PRKCH: variants seen among roughly 807,000 people sequenced by gnomAD.
The protein encoded by PRKCH is protein kinase C eta, also known as protein kinase C eta type.
In PRKCH, 28 loss-of-function variants were observed where a neutral mutation model predicts 82.5. The observed-to-expected ratio is 0.34, with a 90% CI of 0.25 to 0.47. The LOEUF (loss-of-function observed/expected upper bound fraction) is 0.47, where lower values mean the gene tolerates loss of function less well. PRKCH is among the 20% of genes least tolerant of loss of function. The pLI is 1.00. For synonymous variants in PRKCH, 322 were observed against 327.4 expected, an observed-to-expected ratio of 0.98 and a Z score of 0.18; for missense variants, 705 against 881.8, an observed-to-expected ratio of 0.80 and a Z score of 2.54.
chr14:61,369,406 G>A (rs2140171098), intron 1 of PRKCH, among the ~76,000 whole-genome samples: 1 of 152,194 alleles, frequency 6.6e-6, no homozygotes. Context: ...AATTGGTGTG[G>A]TTTCATTAGG....
At chr14:61,206,395 G>A (rs1566780129) in intron 1 of PRKCH, among the ~76,000 whole-genome samples, 2 of 152,120 alleles carry the variant, frequency 1.3e-5, no homozygotes, top group Non-Finnish European at 2.9e-5. Context: ...TTTTCTCTGT[G>A]TGCCCTCTCC....
intron 1 of PRKCH, among the ~76,000 whole-genome samples, chr14:61,308,056 T>C (rs2045495779): frequency 6.6e-6 from 1 of 152,172 alleles, no homozygotes; most frequent in African/African-American, 2.4e-5. Flanking sequence ...CCCAGGCTTG[T>C]CTTGAACTCC....
intron 13 of PRKCH, among the ~76,000 whole-genome samples, chr14:61,548,714 A>AG (rs1180751804): frequency 5.3e-5 from 8 of 151,976 alleles, no homozygotes; most frequent in Non-Finnish European, 1.2e-4. Flanking sequence ...ACAAAAAAAA[A>AG]AAGCCTGGTG....
chr14:61,231,463 C>A (rs562233846), intron 1 of PRKCH, among the ~76,000 whole-genome samples: 128 of 150,908 alleles, frequency 8.5e-4, no homozygotes, highest in African/African-American at 3.0e-3. Context: ...CCCGGGTTCA[C>A]GCCATTCTCC....
Position 61,231,316 on chromosome 14 carries a change from T to C in PRKCH, c.-19+43648T>C, listed in dbSNP as rs145178806. Among the ~76,000 whole-genome samples the C allele has an allele frequency of 5.5e-3, 837 of 152,084 alleles. 2 individuals carry two copies. The highest frequency in any genetic ancestry group is 0.019 in the African/African-American group (795 of 41,468). ...TCAATACACAAAGTGCTTAGAACAG[T>C]GCTTGGTAACTGATCAATACATTTA... is the stretch of plus-strand genomic sequence containing the variant. On this transcript the variant is annotated intron_variant, in intron 1 of 3. Transcript: ENST00000555185.
intron 9 of PRKCH, among the ~76,000 whole-genome samples, chr14:61,461,000 C>G (rs10144546): frequency 0.023 from 3,500 of 152,192 alleles, 145 homozygotes; most frequent in African/African-American, 0.08. Flanking sequence ...ATGGCTTGGA[C>G]TCCCACGCCA....
chr14:61,390,509 A>G (rs2046660762), intron 1 of PRKCH, among the ~76,000 whole-genome samples: 1 of 152,024 alleles, frequency 6.6e-6, no homozygotes, highest in South Asian at 2.1e-4. Flanking sequence ...CATCTCTACT[A>G]AAAAATACAA....
chr14:61,374,025 T>A (rs1376332383), intron 1 of PRKCH, among the ~76,000 whole-genome samples: 15 of 152,142 alleles, frequency 9.9e-5, no homozygotes, highest in Admixed American at 9.8e-4. Flanking sequence ...TAGTTACTTC[T>A]AAGATGCAAT....
rs569489613 is a variant in PRKCH at position 61,484,814 on chromosome 14, G to A, written c.1279-688G>A. ...AAGGAGTCTTACTCCTGTCGCTCAG[G>A]TGGGAGTGCCGTGGCACAATCACAG... is the stretch of plus-strand genomic sequence containing the variant. On this transcript the variant is annotated intron_variant, in intron 9 of 13. Coordinates refer to ENST00000332981, the MANE Select transcript of PRKCH (RefSeq NM_006255.5). Among the ~76,000 whole-genome samples the A allele has an allele frequency of 2.1e-5, 3 of 144,348 alleles. No homozygotes were observed. In the East Asian group the frequency reaches 6.1e-4, roughly 30 times the overall value. 94.7% of individuals were successfully genotyped at this position (144,348 alleles called of 152,430 possible). A position where few individuals can be genotyped will look rare whatever the true frequency, so the allele number is the denominator to read the frequency against.
At position 61,308,785 on chromosome 14, in the gene PRKCH, C is replaced by T. The variant is rs141744332; in HGVS notation, c.-19+121117C>T. 2.0e-5 allele frequency among the ~76,000 whole-genome samples: 3 copies of T among 149,796 alleles called. 1 individual carries two copies. The highest frequency in any genetic ancestry group is 7.6e-5 in the African/African-American group (3 of 39,294). On this transcript the variant is annotated intron_variant, in intron 1 of 3. Transcript: ENST00000555185. ...CTAGGACTACAGGCATTTGCCACCACACTGGGCCTAGTTTTAAATTTTTTG... is the reference window on the plus strand; with the variant it reads ...CTAGGACTACAGGCATTTGCCACCATACTGGGCCTAGTTTTAAATTTTTTG...
At chr14:61,428,110 C>T (rs1165741914) in intron 2 of PRKCH, among the ~76,000 whole-genome samples, 2 of 75,502 alleles carry the variant, frequency 2.6e-5, no homozygotes, top group Non-Finnish European at 2.9e-5. Flanking sequence ...TATATATACA[C>T]ACATATATAT....
At chr14:61,486,260 C>G (rs1886214882) in intron 10 of PRKCH, among the ~76,000 whole-genome samples, 1 of 140,576 alleles carries the variant, frequency 7.1e-6, no homozygotes, top group South Asian at 2.5e-4. Context: ...TACACCTTAA[C>G]TAAAGGGTGT....
At chr14:61,449,900 C>CTCTCTCTGTG (rs1351833573) in intron 5 of PRKCH, among the ~76,000 whole-genome samples, 3 of 36,894 alleles carry the variant, frequency 8.1e-5, no homozygotes, top group African/African-American at 1.3e-4. Flanking sequence ...CTCTCTCTCT[C>CTCTCTCTGTG]TGTGTGTGTG....
chr14:61,240,610 G>T (rs1017663753), intron 1 of PRKCH, among the ~76,000 whole-genome samples: 41 of 151,946 alleles, frequency 2.7e-4, no homozygotes, highest in Admixed American at 7.9e-4. Flanking sequence ...GAAAGGAAAT[G>T]GTTCGGGGGT....
intron 1 of PRKCH, chr14:61,298,632 G>A (rs1369085922): frequency 6.6e-6 from 1 of 152,180 alleles, no homozygotes; most frequent in African/African-American, 2.4e-5. Context: ...TTTTAATTGA[G>A]GATACTAGTA....
chr14:61,461,954 G>A (rs1281951967), intron 9 of PRKCH, among the ~76,000 whole-genome samples: 2 of 152,208 alleles, frequency 1.3e-5, no homozygotes, highest in South Asian at 2.1e-4. Flanking sequence ...AGTCATTACC[G>A]CAAAGTTACT....
At chr14:61,293,543 A>G (rs1800045724) in intron 1 of PRKCH, among the ~76,000 whole-genome samples, 1 of 152,218 alleles carries the variant, frequency 6.6e-6, no homozygotes, top group Non-Finnish European at 1.5e-5. Context: ...CAAACGGAAT[A>G]CTCAACCAGA....
intron 1 of PRKCH, among the ~76,000 whole-genome samples, chr14:61,387,124 C>T (rs757203862): frequency 9.2e-5 from 14 of 152,212 alleles, no homozygotes; most frequent in Non-Finnish European, 8.8e-5. Flanking sequence ...TTAGCAGAAG[C>T]GAGATCTTGT....
At position 61,230,553 on chromosome 14, in the gene PRKCH, G is replaced by C. The variant is rs920186946; in HGVS notation, c.-19+42885G>C. Among the ~76,000 whole-genome samples the C allele has an allele frequency of 2.6e-5, 4 of 152,192 alleles. No homozygotes were observed. In the South Asian group the frequency reaches 6.2e-4, roughly 24 times the overall value. ...GTGTCTCATTCTCTGAAAAGGTGTA[G>C]ATAATGTATCAGATCATTTAAATTG... On this transcript the variant is annotated intron_variant, in intron 1 of 3. Transcript: ENST00000555185.
Sources: gnomAD v4.1 joint callset for allele counts (sites outside exome capture counted in the v4.1 genomes callset) on GRCh38, gnomAD v4.1.1 for gene constraint, MANE v1.5 for transcripts, NCBI Gene and HGNC (gene_info 2026-07-23, HGNC 2026-07-21) for gene names.